Variants in C12orf42 observed in about 807,000 individuals in gnomAD.
C12orf42 encodes uncharacterized protein C12orf42.
In C12orf42, 25 loss-of-function variants were observed where a neutral mutation model predicts 21.6. The ratio of observed to expected loss-of-function variants is 1.16; its 90% CI spans 0.84 to 1.62. The LOEUF (loss-of-function observed/expected upper bound fraction) is 1.62, where lower values mean the gene tolerates loss of function less well. C12orf42 is among the 40% of genes most tolerant of loss of function. The pLI is 0.00. For synonymous variants in C12orf42, 174 were observed against 175.0 expected, an observed-to-expected ratio of 0.99 and a Z score of 0.05; for missense variants, 483 against 459.3, an observed-to-expected ratio of 1.05 and a Z score of -0.47.
chr12:103,546,050 A>G, the C12orf42 span, among the ~76,000 whole-genome samples: 1 of 152,170 alleles, frequency 6.6e-6, no homozygotes, highest in African/African-American at 2.4e-5. Context: ...CTTCATGATA[A>G]CCCTGAGAGA....
At chr12:103,120,428 G>A in the C12orf42 span, among the ~76,000 whole-genome samples, 1 of 152,162 alleles carries the variant, frequency 6.6e-6, no homozygotes, top group African/African-American at 2.4e-5. Flanking sequence ...TTTGCAGAGG[G>A]ATGGGATGAA....
At chr12:103,358,709 T>C (rs2043808321) in intron 4 of C12orf42, among the ~76,000 whole-genome samples, 1 of 152,038 alleles carries the variant, frequency 6.6e-6, no homozygotes, top group African/African-American at 2.4e-5. Context: ...GTTTTATCCA[T>C]CTAAAAATTG....
At chr12:103,427,483 T>C (rs567048197) in intron 2 of C12orf42, among the ~76,000 whole-genome samples, 9 of 152,174 alleles carry the variant, frequency 5.9e-5, no homozygotes, top group Admixed American at 1.3e-4. Flanking sequence ...ATAAAGCAAG[T>C]TCTTAGAGAC....
intron 3 of C12orf42, among the ~76,000 whole-genome samples, chr12:103,374,288 A>T (rs187089262): frequency 1.3e-5 from 2 of 152,302 alleles, no homozygotes; most frequent in Admixed American, 1.3e-4. Flanking sequence ...GTTTGGACAA[A>T]GCAAATGCCC....
intron 4 of C12orf42, among the ~76,000 whole-genome samples, chr12:103,290,112 CA>C (rs2036701375): frequency 6.6e-6 from 1 of 152,120 alleles, no homozygotes; most frequent in Non-Finnish European, 1.5e-5. Context: ...GAAAAGCAAA[CA>C]ATATGCATAT....
the C12orf42 span, among the ~76,000 whole-genome samples, chr12:103,100,393 T>C: frequency 6.6e-6 from 1 of 152,230 alleles, no homozygotes; most frequent in African/African-American, 2.4e-5. Flanking sequence ...ACACGACCAC[T>C]TGTTGACATT....
chr12:103,073,467 C>T, the C12orf42 span, among the ~76,000 whole-genome samples: 1 of 152,064 alleles, frequency 6.6e-6, no homozygotes, highest in African/African-American at 2.4e-5. Flanking sequence ...GGTTGATTTG[C>T]TTAAAATTAA....
the C12orf42 span, among the ~76,000 whole-genome samples, chr12:103,206,198 A>G: frequency 6.6e-6 from 1 of 152,194 alleles, no homozygotes; most frequent in Non-Finnish European, 1.5e-5. Context: ...CAAAGAACCT[A>G]TGTGGTACTG....
intron 10 of C12orf42, among the ~76,000 whole-genome samples, chr12:103,255,094 C>G (rs535167653): frequency 6.6e-6 from 1 of 151,930 alleles, no homozygotes; most frequent in African/African-American, 2.4e-5. Flanking sequence ...ATATGTGGGC[C>G]GGGCATGATG....
At chr12:103,272,666 G>T (rs1203730411) in intron 5 of C12orf42, among the ~76,000 whole-genome samples, 1 of 152,160 alleles carries the variant, frequency 6.6e-6, no homozygotes, top group Non-Finnish European at 1.5e-5. Flanking sequence ...AATAGTGCAA[G>T]ACCAAGACTA....
chr12:103,107,475 T>G, the C12orf42 span, among the ~76,000 whole-genome samples: 2 of 151,974 alleles, frequency 1.3e-5, no homozygotes, highest in East Asian at 3.8e-4. Flanking sequence ...AGTTAGAAAC[T>G]GCCAATATAT....
chr12:103,395,774 T>A (rs1357824075), intron 3 of C12orf42, among the ~76,000 whole-genome samples: 1 of 151,916 alleles, frequency 6.6e-6, no homozygotes, highest in Non-Finnish European at 1.5e-5. Flanking sequence ...GACATCCCAC[T>A]GAATAACTGA....
At chr12:103,187,022 A>G in the C12orf42 span, among the ~76,000 whole-genome samples, 34 of 152,328 alleles carry the variant, frequency 2.2e-4, 1 homozygote, top group South Asian at 6.8e-3. Context: ...ATAAAACATT[A>G]CATACTATAC....
intron 10 of C12orf42, among the ~76,000 whole-genome samples, chr12:103,249,960 T>G (rs2034210582): frequency 6.6e-6 from 1 of 152,072 alleles, no homozygotes; most frequent in Non-Finnish European, 1.5e-5. Flanking sequence ...TTGTTCAAGT[T>G]ATGACAATAT....
chr12:103,118,358 G>A, the C12orf42 span, among the ~76,000 whole-genome samples: 3 of 152,150 alleles, frequency 2.0e-5, no homozygotes, highest in Non-Finnish European at 4.4e-5. Context: ...GAGTGTGAGG[G>A]GAACATCAAG....
chr12:103,063,732 A>G, the C12orf42 span, among the ~76,000 whole-genome samples: 1 of 152,142 alleles, frequency 6.6e-6, no homozygotes, highest in African/African-American at 2.4e-5. Context: ...GCAGGCCCCT[A>G]GTGGTGAGGT....
intron 1 of C12orf42, among the ~76,000 whole-genome samples, chr12:103,495,220 A>T (rs927671608): frequency 1.3e-5 from 2 of 151,084 alleles, no homozygotes; most frequent in African/African-American, 4.9e-5. Context: ...CTTGGGGGGA[A>T]TTAAAAGAGA....
intron 10 of C12orf42, among the ~76,000 whole-genome samples, chr12:103,243,945 A>G (rs1420181419): frequency 6.6e-6 from 1 of 152,272 alleles, no homozygotes; most frequent in African/African-American, 2.4e-5. Flanking sequence ...CCCATTCTAC[A>G]GCTACACCTC....
At position 103,460,102 on chromosome 12, in the gene C12orf42, T is replaced by C. The variant is rs924684399; in HGVS notation, c.78+18247A>G. ...TATTAATTAAGGCTCGCTGTTCTGA[T>C]GGATAAATACCAAAAGCTCAGTGAT... On this transcript the variant is annotated intron_variant, in intron 2 of 5. Coordinates refer to ENST00000548883, the MANE Select transcript of C12orf42 (RefSeq NM_198521.5). Among the ~76,000 whole-genome samples the C allele has an allele frequency of 1.2e-4, 19 of 152,324 alleles. No homozygotes were observed. The South Asian group carries it at 3.3e-3, about 27-fold the overall frequency.
Sources: gnomAD v4.1 joint callset for allele counts (sites outside exome capture counted in the v4.1 genomes callset) on GRCh38, gnomAD v4.1.1 for gene constraint, MANE v1.5 for transcripts, NCBI Gene and HGNC (gene_info 2026-07-23, HGNC 2026-07-21) for gene names.